PMP22: variants seen among roughly 807,000 people sequenced by gnomAD.
PMP22 encodes the protein Charcot-Marie-Tooth neuropathy 1A (greatly reduced nerve conduction velocity, hereditary motor sensory neuropathy Ia).
In PMP22, 2 loss-of-function variants were observed where a neutral mutation model predicts 18.9. The ratio of observed to expected loss-of-function variants is 0.11; its 90% CI spans 0.04 to 0.33. PMP22 has a LOEUF of 0.33. Among genes scored for constraint, PMP22 ranks in the 10% least tolerant of loss-of-function variants. The probability of loss-of-function intolerance (pLI) is 1.00; values close to 1 mark genes in which losing one functional copy is unlikely to be tolerated. For synonymous variants in PMP22, 95 were observed against 89.2 expected, an observed-to-expected ratio of 1.07 and a Z score of -0.37; for missense variants, 169 against 202.2, an observed-to-expected ratio of 0.84 and a Z score of 1.00.
At chr17:15,239,702 T>C in intron 3 of PMP22, 91 bp from the exon 4 acceptor site, 1 of 1,266,960 alleles carries the variant, frequency 7.9e-7, no homozygotes. Context: ...CCATGACTGC[T>C]GACAGCACAG....
intron 1 of PMP22, among the ~76,000 whole-genome samples, chr17:15,263,583 GCA>G (rs3028206): frequency 1.4e-3 from 205 of 149,990 alleles, no homozygotes; most frequent in Non-Finnish European, 2.2e-3. Context: ...GCACGCGCGC[GCA>G]CACACACACA....
At chr17:15,236,672 A>C (rs1906848502) in intron 4 of PMP22, among the ~76,000 whole-genome samples, 1 of 152,190 alleles carries the variant, frequency 6.6e-6, no homozygotes, top group African/African-American at 2.4e-5. Flanking sequence ...CAACAACCCT[A>C]ATCTACTTAG....
intron 3 of PMP22, among the ~76,000 whole-genome samples, chr17:15,243,187 T>A (rs1446071882): frequency 1.3e-5 from 2 of 152,086 alleles, no homozygotes; most frequent in Non-Finnish European, 2.9e-5. Flanking sequence ...CACAGACTAA[T>A]GAGACAGAAA....
rs770193337 is a variant in PMP22, at chr17:15,230,918, C to T, written c.482G>A (p.Ter161=). Residue 161 remains the stop codon, a stop_retained_variant, in exon 5 of 5, where the codon TGA becomes TAA. Coordinates refer to ENST00000312280, the MANE Select transcript of PMP22 (RefSeq NM_000304.4). ...VIYVILRKRE[*] ...CCTCAGACAGACCGTCTGGGCGCCT[C>T]ATTCGCGTTTCCGCAAGATCACATA... is the stretch of plus-strand genomic sequence containing the variant. 6.2e-7 allele frequency: 1 copy of T among 1,613,988 alleles called. No homozygotes were observed. The highest frequency in any genetic ancestry group is 2.2e-5 in the East Asian group (1 of 44,874).
intron 4 of PMP22, among the ~76,000 whole-genome samples, chr17:15,231,548 A>C (rs1906354145): frequency 6.6e-6 from 1 of 152,206 alleles, no homozygotes. Context: ...CGCCATGGTA[A>C]AAGGATTAAG....
chr17:15,239,015 T>C (rs1375826198), intron 4 of PMP22, among the ~76,000 whole-genome samples: 1 of 152,154 alleles, frequency 6.6e-6, no homozygotes, highest in African/African-American at 2.4e-5. Flanking sequence ...TCACTACCTA[T>C]TGGTGGAAGA....
chr17:15,254,875 C>G (rs748489782), intron 3 of PMP22, among the ~76,000 whole-genome samples: 2 of 152,218 alleles, frequency 1.3e-5, no homozygotes, highest in Non-Finnish European at 2.9e-5. Flanking sequence ...AGGAGAATTG[C>G]TTGAACCCGG....
At chr17:15,245,103 A>T (rs942014159) in intron 3 of PMP22, among the ~76,000 whole-genome samples, 1 of 152,170 alleles carries the variant, frequency 6.6e-6, no homozygotes, top group African/African-American at 2.4e-5. Flanking sequence ...AGAGGAAAAA[A>T]AACAGAGCCC....
At chr17:15,252,613 A>G (rs879432614) in intron 3 of PMP22, among the ~76,000 whole-genome samples, 5 of 152,220 alleles carry the variant, frequency 3.3e-5, no homozygotes, top group Non-Finnish European at 5.9e-5. Flanking sequence ...AGGAAAGCTC[A>G]ACAATTCCCT....
Position 15,260,752 on chromosome 17 carries a change from G to C in PMP22, c.-25C>G, listed in dbSNP as rs1357081301. 2 of 1,546,408 alleles carry C rather than the reference G, an allele frequency of 1.3e-6. No homozygotes were observed. Among genetic ancestry groups the C allele is most frequent in the Non-Finnish European group, 1.8e-6 (2 of 1,142,228 alleles). On this transcript the variant is annotated 5_prime_UTR_variant, in exon 2 of 5. Coordinates refer to ENST00000312280, the MANE Select transcript of PMP22 (RefSeq NM_000304.4). ...TTCTGGCGGCAAGTTCTGCTCAGCG[G>C]AGTTTCTGCCTGCGAGGAGAGCGCT... is the stretch of plus-strand genomic sequence containing the variant.
intron 4 of PMP22, 47 bp downstream of exon 4, chr17:15,239,424 C>G (rs1450824007): frequency 6.2e-7 from 1 of 1,606,888 alleles, no homozygotes; most frequent in Non-Finnish European, 8.5e-7. Context: ...ATTCCGCAGA[C>G]TTGGATGCAC....
Position 15,251,639 on chromosome 17 carries a change from TG to T in PMP22, c.178+7454del. 3 of 150,622 alleles carry T rather than the reference TG, an allele frequency of 2.0e-5. 1 individual carries two copies. The Middle Eastern group carries it at 2.0e-3, about 99-fold the overall frequency. The allele number at this position is 150,622 out of a possible 1,614,324, so 9.3% of individuals were successfully genotyped here. On this transcript the variant is annotated intron_variant, in intron 3 of 4. Coordinates refer to ENST00000312280, the MANE Select transcript of PMP22 (RefSeq NM_000304.4). Reference sequence around the variant, plus strand: ...GATGACTCCGGGTCCCTGCCAGTGTTGGGGGCCACTTGTGTGTGGATGACTG... The same window carrying T: ...GATGACTCCGGGTCCCTGCCAGTGTTGGGGCCACTTGTGTGTGGATGACTG...
intron 3 of PMP22, among the ~76,000 whole-genome samples, chr17:15,250,519 G>A (rs960009151): frequency 6.6e-6 from 1 of 152,082 alleles, no homozygotes; most frequent in East Asian, 1.9e-4. Context: ...CCTCTCTGAT[G>A]GTCAAAATAT....
At chr17:15,231,179 C>T (rs1017780671) in intron 4 of PMP22, 99 bp from the exon 5 acceptor site, 11 of 1,162,302 alleles carry the variant, frequency 9.5e-6, no homozygotes, top group Middle Eastern at 2.8e-4. Context: ...GTAGGAAGAA[C>T]ATTTCTACCT....
intron 3 of PMP22, among the ~76,000 whole-genome samples, chr17:15,246,313 G>A (rs1180237131): frequency 1.3e-5 from 2 of 152,186 alleles, no homozygotes; most frequent in African/African-American, 4.8e-5. Flanking sequence ...TGGACAAGAT[G>A]TAAATGAGTG....
At chr17:15,244,845 A>C (rs904988639) in intron 3 of PMP22, among the ~76,000 whole-genome samples, 1 of 152,228 alleles carries the variant, frequency 6.6e-6, no homozygotes, top group African/African-American at 2.4e-5. Flanking sequence ...TTTGGTCAAG[A>C]AGCCTTTCAG....
chr17:15,254,765 C>T (rs1452783157), intron 3 of PMP22, among the ~76,000 whole-genome samples: 2 of 152,086 alleles, frequency 1.3e-5, no homozygotes, highest in Admixed American at 6.6e-5. Flanking sequence ...CGAGACCAGC[C>T]TGACCAACAT....
chr17:15,237,715 T>C (rs1269847880), intron 4 of PMP22, among the ~76,000 whole-genome samples: 1 of 152,228 alleles, frequency 6.6e-6, no homozygotes, highest in Non-Finnish European at 1.5e-5. Context: ...CATTCATTTA[T>C]CCTCTGGTGG....
In PMP22 at chr17:15,260,655, C is replaced by T; in HGVS notation, c.73G>A (p.Val25Ile). 2 of 1,551,998 alleles carry T rather than the reference C, an allele frequency of 1.3e-6. No homozygotes were observed. Among genetic ancestry groups the T allele is most frequent in the Non-Finnish European group, 1.7e-6 (2 of 1,147,108 alleles). Residue 25 changes from valine (V) to isoleucine (I), a missense_variant, in exon 2 of 5, where the codon GTC becomes ATC. Coordinates refer to ENST00000312280, the MANE Select transcript of PMP22 (RefSeq NM_000304.4). ...CCTCCCCGCCAGGCACTCACGCTGACGATCGTGGAGACGAACAGCAGCACC... is the reference window on the plus strand; with the variant it reads ...CCTCCCCGCCAGGCACTCACGCTGATGATCGTGGAGACGAACAGCAGCACC... ...VLVLLFVSTI[V>I]SQWIVGNGHA...
Sources: allele counts gnomAD v4.1 joint callset (sites outside exome capture counted in the v4.1 genomes callset), GRCh38; gene constraint gnomAD v4.1.1; transcripts MANE v1.5; gene names NCBI Gene and HGNC (gene_info 2026-07-23, HGNC 2026-07-21).